Variants in SH3GLB1 observed in about 807,000 individuals in gnomAD.
SH3GLB1 encodes SH3 domain containing GRB2 like, endophilin B1.
A neutral mutation model predicts 42.0 loss-of-function variants in SH3GLB1; 17 were observed. The observed-to-expected ratio is 0.40, with a 90% CI of 0.28 to 0.61. The LOEUF (loss-of-function observed/expected upper bound fraction) is 0.61. Among genes scored for constraint, SH3GLB1 ranks in the 20% least tolerant of loss-of-function variants. SH3GLB1 has a pLI of 0.36. For missense variants in SH3GLB1, 355 were observed against 426.3 expected, an observed-to-expected ratio of 0.83 and a Z score of 1.47; for synonymous variants, 132 against 146.6, an observed-to-expected ratio of 0.90 and a Z score of 0.72.
chr1:86,709,848 C>G (rs1558291383), intron 1 of SH3GLB1, among the ~76,000 whole-genome samples: 1 of 152,124 alleles, frequency 6.6e-6, no homozygotes, highest in Non-Finnish European at 1.5e-5. Flanking sequence ...CCATTTATTT[C>G]AGCAAGTGTC....
At chr1:86,734,544 T>C in intron 5 of SH3GLB1, 58 bp from the exon 6 acceptor site, 1 of 1,220,952 alleles carries the variant, frequency 8.2e-7, no homozygotes, top group Non-Finnish European at 1.2e-6. Context: ...CTAAAATAAA[T>C]GTATATAAGA....
At chr1:86,717,573 C>T (rs1654608093) in intron 2 of SH3GLB1, among the ~76,000 whole-genome samples, 1 of 152,170 alleles carries the variant, frequency 6.6e-6, no homozygotes, top group African/African-American at 2.4e-5. Flanking sequence ...AGGTGTCCAC[C>T]ACCATACCCG....
chr1:86,705,016 G>A, intron 1 of SH3GLB1, 45 bp downstream of exon 1: 2 of 1,339,918 alleles, frequency 1.5e-6, no homozygotes, highest in South Asian at 2.6e-5. Context: ...GCCCGGGAAG[G>A]TTGAGGGAGG....
intron 7 of SH3GLB1, among the ~76,000 whole-genome samples, chr1:86,736,506 A>G (rs566105507): frequency 6.6e-6 from 1 of 152,338 alleles, no homozygotes; most frequent in Admixed American, 6.5e-5. Context: ...TAATATCTCA[A>G]GGCAGAACAG....
chr1:86,732,392 T>C (rs1655558411), intron 5 of SH3GLB1, among the ~76,000 whole-genome samples: 1 of 152,232 alleles, frequency 6.6e-6, no homozygotes, highest in African/African-American at 2.4e-5. Context: ...ATATCAGCCC[T>C]TTCTTATCTA....
Position 86,704,853 on chromosome 1 carries a change from G to A in SH3GLB1, c.-47G>A. The A allele has an allele frequency of 7.1e-7, 1 of 1,404,002 alleles. No individual in the cohort carries two copies. 87.0% of individuals were successfully genotyped at this position (1,404,002 alleles called of 1,614,324 possible). On this transcript the variant is annotated 5_prime_UTR_variant, in exon 1 of 9. Transcript: ENST00000370558. ...GCCCCAGCCCGGCCGCGGCACCTCC[G>A]CCTCGCCGCCGCTAGGTCGGCCGGC...
chr1:86,706,492 A>G (rs1653876724), intron 1 of SH3GLB1, among the ~76,000 whole-genome samples: 1 of 152,150 alleles, frequency 6.6e-6, no homozygotes, highest in South Asian at 2.1e-4. Context: ...GTAGACGTTG[A>G]GCCTTTATAG....
chr1:86,728,664 T>A (rs1655337011), intron 5 of SH3GLB1, among the ~76,000 whole-genome samples: 1 of 152,190 alleles, frequency 6.6e-6, no homozygotes, highest in African/African-American at 2.4e-5. Context: ...AATTGTATGT[T>A]CTGATTGCCA....
In SH3GLB1 at chr1:86,744,335, G is replaced by A. The variant is rs535968888; in HGVS notation, c.*1100G>A. The A allele has an allele frequency of 6.6e-6, 1 of 152,282 alleles. No individual in the cohort carries two copies. Among genetic ancestry groups the A allele is most frequent in the South Asian group, 2.1e-4 (1 of 4,826 alleles). The allele number at this position is 152,282 out of a possible 1,614,324, so 9.4% of individuals were successfully genotyped here. A position where few individuals can be genotyped will look rare whatever the true frequency, so the allele number is the denominator to read the frequency against. ...CATTCATTCAACAAACATTTGTTGA[G>A]GGCCAGATACTGTGCTGGTCAACTG... On this transcript the variant is annotated 3_prime_UTR_variant, in exon 9 of 9. Transcript: ENST00000370558.
chr1:86,720,018 CATA>C (rs1044015066), intron 3 of SH3GLB1, among the ~76,000 whole-genome samples: 2 of 111,826 alleles, frequency 1.8e-5, no homozygotes, highest in Non-Finnish European at 3.6e-5. Context: ...AAAAAAAAAA[CATA>C]GTAGTAGAAT....
rs1278397770 is a variant in SH3GLB1, at chr1:86,711,788, C to T, written c.73-3936C>T. Among the ~76,000 whole-genome samples, 6 of 151,964 alleles carry T rather than the reference C, an allele frequency of 3.9e-5. No homozygotes were observed. The South Asian group carries it at 6.2e-4, about 16-fold the overall frequency. ...GGTCTTTTGCCCTTCTGAAAAGGTG[C>T]CATTATTATAATTTTGTTTGAGTCA... On this transcript the variant is annotated intron_variant, in intron 1 of 8. Transcript: ENST00000370558.
In SH3GLB1 at chr1:86,722,693, C is replaced by T. The variant is rs763031137; in HGVS notation, c.477+20C>T. 1.3e-6 allele frequency: 2 copies of T among 1,569,772 alleles called. No homozygotes were observed. The highest frequency in any genetic ancestry group is 2.3e-5 in the East Asian group (1 of 44,188). On this transcript the variant is annotated intron_variant, in intron 4 of 8. Coordinates refer to ENST00000370558, the MANE Select transcript of SH3GLB1 (RefSeq NM_016009.5). ...ATTGCTGTGAGTTGAAAAATGTCCC[C>T]TTTATTTAGTAAAATCATTTAGATA...
At position 86,730,586 on chromosome 1, in the gene SH3GLB1, A is replaced by G. The variant is rs184142085; in HGVS notation, c.571-4016A>G. Among the ~76,000 whole-genome samples, 860 of 151,712 alleles carry G rather than the reference A, an allele frequency of 5.7e-3. 7 individuals are homozygous for G. The highest frequency in any genetic ancestry group is 0.019 in the African/African-American group (800 of 41,348). On this transcript the variant is annotated intron_variant, in intron 5 of 8. Transcript: ENST00000370558. ...ACAGTCACAGCTCACTGCAACCTCC[A>G]CCTTCTGGGTTCAACCGATTCTCCT... is the stretch of plus-strand genomic sequence containing the variant.
At position 86,719,557 on chromosome 1, in the gene SH3GLB1, A is replaced by G; in HGVS notation, c.265A>G (p.Ser89Gly). The G allele has an allele frequency of 6.2e-7, 1 of 1,611,166 alleles. No individual in the cohort carries two copies. Among genetic ancestry groups the G allele is most frequent in the South Asian group, 1.1e-5 (1 of 90,766 alleles). The change falls in exon 3 of 9, where the codon AGT becomes GGT. Residue 89 changes from serine (S) to glycine (G), a missense_variant. Coordinates refer to ENST00000370558, the MANE Select transcript of SH3GLB1 (RefSeq NM_016009.5). ...VYEKLDRKAP[S>G]RINNPELLGQ... ...TGAGAAACTGGATAGAAAAGCTCCA[A>G]GTCGTATAAACAACCCAGAACTTTT...
intron 3 of SH3GLB1, 104 bp downstream of exon 3, chr1:86,719,739 T>TA: frequency 8.6e-7 from 1 of 1,169,570 alleles, no homozygotes. Flanking sequence ...CTCACACCTG[T>TA]AATCCCAGCA....
intron 1 of SH3GLB1, among the ~76,000 whole-genome samples, chr1:86,711,061 A>AC (rs1470308469): frequency 6.6e-6 from 1 of 152,122 alleles, no homozygotes; most frequent in East Asian, 1.9e-4. Flanking sequence ...AAAATTGGGA[A>AC]CCAATGGAGA....
At chr1:86,709,020 CT>C (rs1259136424) in intron 1 of SH3GLB1, among the ~76,000 whole-genome samples, 5 of 152,084 alleles carry the variant, frequency 3.3e-5, no homozygotes, top group Non-Finnish European at 7.4e-5. Flanking sequence ...GTAAAATAAA[CT>C]TTTTTTAAAG....
At chr1:86,721,398 C>T (rs534852887) in intron 3 of SH3GLB1, among the ~76,000 whole-genome samples, 1 of 152,244 alleles carries the variant, frequency 6.6e-6, no homozygotes, top group Admixed American at 6.5e-5. Context: ...TATAGTAATT[C>T]AAATGAAGAT....
intron 5 of SH3GLB1, among the ~76,000 whole-genome samples, chr1:86,725,329 A>G (rs1238925076): frequency 1.3e-5 from 2 of 152,042 alleles, no homozygotes. Flanking sequence ...ATGCGAGGAA[A>G]CTCATTTGGA....
Sources: gnomAD v4.1 joint callset for allele counts (sites outside exome capture counted in the v4.1 genomes callset) on GRCh38, gnomAD v4.1.1 for gene constraint, MANE v1.5 for transcripts, NCBI Gene and HGNC (gene_info 2026-07-23, HGNC 2026-07-21) for gene names.